The following FREM2 variants were observed in gnomAD, a reference collection of about 807,000 sequenced individuals.
The protein encoded by FREM2 is FRAS1 related extracellular matrix 2, also known as FRAS1-related extracellular matrix protein 2.
FREM2 carries 119 observed loss-of-function variants against 219.9 expected under a neutral mutation model. The ratio of observed to expected loss-of-function variants is 0.54; its 90% CI spans 0.47 to 0.63. FREM2 has a LOEUF of 0.63. Among genes scored for constraint, FREM2 ranks in the 30% least tolerant of loss-of-function variants. The pLI is 0.00. For missense variants in FREM2, 4,030 were observed against 3,993.6 expected (o/e 1.01, Z -0.25); for synonymous variants, 1,562 against 1,522.8 (o/e 1.03, Z -0.60).
intron 2 of FREM2, among the ~76,000 whole-genome samples, chr13:38,720,228 T>C (rs7336193): frequency 0.12 from 18,402 of 148,446 alleles, 1,130 homozygotes; most frequent in South Asian, 0.2. Flanking sequence ...CTTTTATCTA[T>C]TTTCTGAATT....
In FREM2 at chr13:38,829,315, G is replaced by A. The variant is rs115048755; in HGVS notation, c.6020-17258G>A. Among the ~76,000 whole-genome samples, 999 of 152,228 alleles carry A rather than the reference G, an allele frequency of 6.6e-3. 11 individuals carry two copies. The highest frequency in any genetic ancestry group is 0.023 in the African/African-American group (953 of 41,570). ...GATAGTAAGAGTTTCTAACAGGTCT[G>A]TATCATATCCCGTAGTATGATGATA... On this transcript the variant is annotated intron_variant, in intron 6 of 23. Coordinates refer to ENST00000280481, the MANE Select transcript of FREM2 (RefSeq NM_207361.6).
chr13:38,687,548 T>C lies in FREM2; in HGVS notation c.204T>C (p.Ala68=). 6.2e-7 allele frequency: 1 copy of C among 1,602,170 alleles called. No homozygotes were observed. Among genetic ancestry groups the C allele is most frequent in the Non-Finnish European group, 8.5e-7 (1 of 1,174,274 alleles). ...PGLAGAAGVP[A]EEAIVLANRG... is the part of the protein sequence containing the mutation. ...TCGCGGGGGCTGCAGGGGTCCCTGC[T>C]GAGGAGGCCATAGTGCTGGCGAACC... Residue 68 remains alanine (A), a synonymous_variant, in exon 1 of 24, where the codon GCT becomes GCC. Coordinates refer to ENST00000280481, the MANE Select transcript of FREM2 (RefSeq NM_207361.6).
In FREM2 at chr13:38,861,482, C is replaced by A; in HGVS notation, c.7571C>A (p.Ala2524Asp). 6.2e-7 allele frequency: 1 copy of A among 1,609,862 alleles called. No homozygotes were observed. Among genetic ancestry groups the A allele is most frequent in the Non-Finnish European group, 8.5e-7 (1 of 1,177,396 alleles). Residue 2524 changes from alanine to aspartate, a missense_variant, in exon 15 of 24, where the codon GCT (alanine) becomes GAT (aspartate). Around this residue, in one of 2 missense-constraint regions of FREM2, gnomAD observed 928 missense variants for 1,042.9 expected, o/e 0.89. Transcript: ENST00000280481. ...PGVVGAEPFSAKLRYTGPEDA... is the reference protein window; with the variant it reads ...PGVVGAEPFSDKLRYTGPEDA... ...GTTGTTGGAGCAGAGCCGTTCTCAG[C>A]TAAATTGCGCTACACAGGCCCTGAG...
chr13:38,876,505 A>G, intron 20 of FREM2, 123 bp downstream of exon 20: 1 of 852,392 alleles, frequency 1.2e-6, no homozygotes, highest in Non-Finnish European at 1.9e-6. Flanking sequence ...AAAAGAAAAG[A>G]AATCAGACAG....
Position 38,880,555 on chromosome 13 carries a change from C to A in FREM2, c.9278C>A (p.Pro3093His). 1.9e-6 allele frequency: 3 copies of A among 1,614,224 alleles called. No homozygotes were observed. Among genetic ancestry groups the A allele is most frequent in the Non-Finnish European group, 2.5e-6 (3 of 1,180,044 alleles). The change falls in exon 24 of 24, where the codon CCT becomes CAT. Residue 3093 changes from proline to histidine, a missense_variant. Transcript: ENST00000280481. Reference sequence around the variant, plus strand: ...AGGCAGATCCCCCATGGGAGAGCACCTCCAGATGGCATCCTCCCCTGGGAG... The same window carrying A: ...AGGCAGATCCCCCATGGGAGAGCACATCCAGATGGCATCCTCCCCTGGGAG... ...TKRQIPHGRA[P>H]PDGILPWELN...
intron 3 of FREM2, among the ~76,000 whole-genome samples, chr13:38,767,808 T>C (rs1873500714): frequency 6.6e-6 from 1 of 152,188 alleles, no homozygotes; most frequent in Non-Finnish European, 1.5e-5. Flanking sequence ...TGCCCTTTTT[T>C]CTCTTGCCAT....
At chr13:38,756,750 C>T (rs902031850) in intron 2 of FREM2, among the ~76,000 whole-genome samples, 2 of 151,428 alleles carry the variant, frequency 1.3e-5, no homozygotes, top group Non-Finnish European at 2.9e-5. Context: ...ATGTTGGCCA[C>T]GCTGGTTTTT....
At chr13:38,839,943 C>G (rs1279466973) in intron 6 of FREM2, among the ~76,000 whole-genome samples, 1 of 152,150 alleles carries the variant, frequency 6.6e-6, no homozygotes, top group Non-Finnish European at 1.5e-5. Flanking sequence ...CTGGCTTCAG[C>G]CCCCTTTCCA....
chr13:38,816,968 C>T (rs1280484825), intron 6 of FREM2, among the ~76,000 whole-genome samples: 4 of 151,884 alleles, frequency 2.6e-5, no homozygotes, highest in African/African-American at 9.7e-5. Context: ...GTTTCATTTA[C>T]AATAGCTACA....
intron 2 of FREM2, among the ~76,000 whole-genome samples, chr13:38,736,061 A>G (rs1000252711): frequency 6.6e-6 from 1 of 152,190 alleles, no homozygotes; most frequent in African/African-American, 2.4e-5. Flanking sequence ...AAAGGGCTTC[A>G]GTGTATCCTA....
chr13:38,784,908 T>A, intron 6 of FREM2, 100 bp downstream of exon 6: 1 of 1,266,470 alleles, frequency 7.9e-7, no homozygotes, highest in South Asian at 1.3e-5. Context: ...AATGATAATA[T>A]ACACATTTAT....
At chr13:38,735,527 T>C (rs1271875992) in intron 2 of FREM2, among the ~76,000 whole-genome samples, 1 of 152,168 alleles carries the variant, frequency 6.6e-6, no homozygotes. Flanking sequence ...AAAAAAATCA[T>C]TTATTGAAAT....
intron 6 of FREM2, among the ~76,000 whole-genome samples, chr13:38,829,856 C>T (rs1039120989): frequency 2.0e-5 from 3 of 152,042 alleles, no homozygotes; most frequent in African/African-American, 7.2e-5. Flanking sequence ...AATTTGGCTA[C>T]TTTCCATCAG....
At chr13:38,761,080 A>T (rs1873208107) in intron 2 of FREM2, among the ~76,000 whole-genome samples, 1 of 152,210 alleles carries the variant, frequency 6.6e-6, no homozygotes, top group Non-Finnish European at 1.5e-5. Context: ...AGAATTGTTA[A>T]AATTTAGAGG....
intron 2 of FREM2, among the ~76,000 whole-genome samples, chr13:38,709,986 TACACACACAC>T (rs59108347): frequency 0.047 from 6,171 of 130,350 alleles, 299 homozygotes; most frequent in African/African-American, 0.11. Context: ...TAACTAAAAA[TACACACACAC>T]ACACACACAC....
At position 38,792,697 on chromosome 13, in the gene FREM2, A is replaced by G. The variant is rs572035130; in HGVS notation, c.6019+7889A>G. Among the ~76,000 whole-genome samples the G allele has an allele frequency of 4.6e-5, 7 of 152,252 alleles. No homozygotes were observed. In the South Asian group the frequency reaches 1.4e-3, roughly 32 times the overall value. ...GCGTCTTAAAATGTATCCTCCACAG[A>G]TAAGGGGAAACTACTACATTTGCAA... On this transcript the variant is annotated intron_variant, in intron 6 of 23. Coordinates refer to ENST00000280481, the MANE Select transcript of FREM2 (RefSeq NM_207361.6).
At chr13:38,859,882 C>T (rs1229288738) in intron 14 of FREM2, among the ~76,000 whole-genome samples, 1 of 149,992 alleles carries the variant, frequency 6.7e-6, no homozygotes, top group Non-Finnish European at 1.5e-5. Flanking sequence ...GATGCAGACA[C>T]ATTTTAGTCT....
At chr13:38,759,357 A>G (rs1873139786) in intron 2 of FREM2, among the ~76,000 whole-genome samples, 1 of 150,244 alleles carries the variant, frequency 6.7e-6, no homozygotes, top group Non-Finnish European at 1.5e-5. Context: ...CTAGTTTCAT[A>G]TTATTGAAGA....
intron 2 of FREM2, among the ~76,000 whole-genome samples, chr13:38,740,373 T>G (rs1312202809): frequency 6.6e-6 from 1 of 152,220 alleles, no homozygotes; most frequent in Non-Finnish European, 1.5e-5. Context: ...CTGAGATTTT[T>G]GAACATGCAC....
Sources: allele counts gnomAD v4.1 joint callset (sites outside exome capture counted in the v4.1 genomes callset), GRCh38; gene constraint gnomAD v4.1.1; regional missense constraint gnomAD v4.1.1; transcripts MANE v1.5; gene names NCBI Gene and HGNC (gene_info 2026-07-23, HGNC 2026-07-21).